Variants in CKAP5 observed in about 807,000 individuals in gnomAD.
CKAP5 encodes cytoskeleton-associated protein 5.
CKAP5 carries 27 observed loss-of-function variants against 232.8 expected under a neutral mutation model. The ratio of observed to expected loss-of-function variants is 0.12; its 90% CI spans 0.09 to 0.16. CKAP5 has a LOEUF of 0.16. Among genes scored for constraint, CKAP5 ranks in the 10% least tolerant of loss-of-function variants. The pLI is 1.00. For missense variants in CKAP5, 1,838 were observed against 2,424.7 expected, an observed-to-expected ratio of 0.76 and a Z score of 5.08; for synonymous variants, 785 against 841.1, an observed-to-expected ratio of 0.93 and a Z score of 1.16.
intron 36 of CKAP5, among the ~76,000 whole-genome samples, chr11:46,753,759 G>A (rs1187615624): frequency 6.7e-6 from 1 of 150,360 alleles, no homozygotes; most frequent in East Asian, 2.0e-4. Context: ...GCTAATTTTT[G>A]TATTTTTTTT....
At chr11:46,814,861 A>C (rs1363762413) in intron 4 of CKAP5, among the ~76,000 whole-genome samples, 2 of 152,222 alleles carry the variant, frequency 1.3e-5, no homozygotes, top group Non-Finnish European at 2.9e-5. Flanking sequence ...AAAGGCACCT[A>C]AATAAAGGTT....
chr11:46,773,639 T>C (rs866466467), intron 24 of CKAP5, among the ~76,000 whole-genome samples: 77 of 151,822 alleles, frequency 5.1e-4, no homozygotes, highest in African/African-American at 1.8e-3. Flanking sequence ...GCCTCCTGGA[T>C]TCAAGCGATT....
intron 1 of CKAP5, among the ~76,000 whole-genome samples, chr11:46,829,863 T>C (rs1399018623): frequency 2.0e-5 from 3 of 151,896 alleles, no homozygotes; most frequent in Non-Finnish European, 4.4e-5. Flanking sequence ...TGTGTGTGTG[T>C]GTGTGTGTGT....
intron 1 of CKAP5, among the ~76,000 whole-genome samples, chr11:46,834,026 C>T (rs1192681896): frequency 2.6e-5 from 4 of 152,112 alleles, no homozygotes; most frequent in East Asian, 1.9e-4. Flanking sequence ...TGTGCCACCA[C>T]GTCCAGCTAA....
At chr11:46,830,966 G>C (rs1205546209) in intron 1 of CKAP5, among the ~76,000 whole-genome samples, 3 of 152,180 alleles carry the variant, frequency 2.0e-5, no homozygotes, top group Admixed American at 6.5e-5. Context: ...TCGGGAGGCT[G>C]AGGCAGGAGA....
intron 1 of CKAP5, 113 bp downstream of exon 1, chr11:46,846,107 A>G (rs1190371244): frequency 6.6e-6 from 1 of 151,850 alleles, no homozygotes; most frequent in East Asian, 1.9e-4. Flanking sequence ...TCGTGGGGCA[A>G]GTGGGGCGCG....
At chr11:46,844,786 C>G (rs1198025300) in intron 1 of CKAP5, among the ~76,000 whole-genome samples, 1 of 151,996 alleles carries the variant, frequency 6.6e-6, no homozygotes, top group Non-Finnish European at 1.5e-5. Context: ...GGATTACAGG[C>G]GCCCGCCATC....
intron 1 of CKAP5, among the ~76,000 whole-genome samples, chr11:46,828,703 G>C (rs894097617): frequency 2.0e-5 from 3 of 152,170 alleles, no homozygotes; most frequent in African/African-American, 7.2e-5. Context: ...CTGTGCTTAT[G>C]AGCGAATTAA....
chr11:46,778,578 C>T lies in CKAP5; in HGVS notation c.2455G>A (p.Ala819Thr). The part of the protein sequence containing the change: ...FEKMQGQSPP[A>T]PTRGISKHST... Reference sequence around the variant, plus strand: ...TGCTTGGAAATTCCTCTGGTTGGAGCAGGTGGACTTTGTCCCTGCATCTAT... The same window carrying T: ...TGCTTGGAAATTCCTCTGGTTGGAGTAGGTGGACTTTGTCCCTGCATCTAT... The change falls in exon 21 of 44, where the codon GCT becomes ACT. Residue 819 changes from alanine (A) to threonine (T), a missense_variant. By Grantham distance (58) the Ala-to-Thr change is moderately conservative. This residue lies in a region of CKAP5 where 767 missense variants were observed against 954.6 expected (regional missense o/e 0.80). Coordinates refer to ENST00000529230, the MANE Select transcript of CKAP5 (RefSeq NM_001008938.4). 6.2e-7 allele frequency: 1 copy of T among 1,613,966 alleles called. No individual in the cohort carries two copies. The highest frequency in any genetic ancestry group is 8.5e-7 in the Non-Finnish European group (1 of 1,179,932).
intron 24 of CKAP5, 91 bp from the exon 25 acceptor site, chr11:46,771,073 C>T (rs1341020219): frequency 9.1e-7 from 1 of 1,096,746 alleles, no homozygotes; most frequent in Non-Finnish European, 1.3e-6. Context: ...TAGTCTCAAG[C>T]ACTGAATTAG....
In CKAP5 at chr11:46,755,213, A is replaced by G. The variant is rs997701890; in HGVS notation, c.4690-146T>C. ...TAAAAAAAAGCCCATTTACTTATTTATTTTATTCATTTATTATTTTGAGAG... is the reference window on the plus strand; with the variant it reads ...TAAAAAAAAGCCCATTTACTTATTTGTTTTATTCATTTATTATTTTGAGAG... On this transcript the variant is annotated intron_variant, in intron 35 of 43. Coordinates refer to ENST00000529230, the MANE Select transcript of CKAP5 (RefSeq NM_001008938.4). 3.9e-5 allele frequency: 24 copies of G among 616,290 alleles called. No homozygotes were observed. The East Asian group carries it at 6.2e-4, about 16-fold the overall frequency. 38.2% of individuals were successfully genotyped at this position (616,290 alleles called of 1,614,324 possible).
intron 35 of CKAP5, among the ~76,000 whole-genome samples, chr11:46,756,281 C>T (rs572542285): frequency 1.3e-5 from 2 of 152,222 alleles, no homozygotes; most frequent in African/African-American, 2.4e-5. Context: ...ATTTTGGCCA[C>T]AACTTCCTAA....
At chr11:46,842,924 G>A (rs987234826) in intron 1 of CKAP5, among the ~76,000 whole-genome samples, 3 of 132,330 alleles carry the variant, frequency 2.3e-5, no homozygotes, top group South Asian at 2.3e-4. Context: ...CCGAGATCGC[G>A]CCACCGCACT....
intron 1 of CKAP5, among the ~76,000 whole-genome samples, chr11:46,845,820 G>C (rs1392848548): frequency 1.3e-5 from 2 of 152,188 alleles, no homozygotes; most frequent in African/African-American, 2.4e-5. Context: ...CCTCGTAGGC[G>C]CTTACTTATT....
intron 1 of CKAP5, among the ~76,000 whole-genome samples, chr11:46,833,028 T>C (rs1939828883): frequency 6.6e-6 from 1 of 151,968 alleles, no homozygotes; most frequent in Non-Finnish European, 1.5e-5. Flanking sequence ...GCTTGTCAGA[T>C]AGTGTGAGGC....
At chr11:46,794,848 A>T (rs1232279906) in intron 13 of CKAP5, among the ~76,000 whole-genome samples, 1 of 152,122 alleles carries the variant, frequency 6.6e-6, no homozygotes, top group Non-Finnish European at 1.5e-5. Flanking sequence ...AAAAATATAG[A>T]AAATAAAAAC....
At position 46,784,341 on chromosome 11, in the gene CKAP5, C is replaced by T. The variant is rs553571351; in HGVS notation, c.2154+147G>A. ...TTGCACCATTGCATTCCAGCCTGGG[C>T]GACAGAGTGAAACTCCATCTCAAAA... On this transcript the variant is annotated intron_variant, in intron 17 of 43. Transcript: ENST00000529230. The T allele has an allele frequency of 7.3e-4, 477 of 656,782 alleles. 1 individual carries two copies. Among genetic ancestry groups the T allele is most frequent in the Middle Eastern group, 1.3e-3 (4 of 3,058 alleles). 40.7% of individuals were successfully genotyped at this position (656,782 alleles called of 1,614,324 possible).
chr11:46,816,250 T>G lies in CKAP5; in HGVS notation c.406A>C (p.Lys136Gln). The change falls in exon 4 of 44, where the codon AAG (lysine) becomes CAG (glutamine). Residue 136 changes from lysine (K) to glutamine (Q), a missense_variant. Around this residue, in one of 6 missense-constraint regions of CKAP5, gnomAD observed 285 missense variants for 300.0 expected, o/e 0.95. Coordinates refer to ENST00000529230, the MANE Select transcript of CKAP5 (RefSeq NM_001008938.4). ...QEELLKGLDN[K>Q]NPKIIVACIE... Reference sequence around the variant, plus strand: ...CAGGCCACTATGATCTTGGGATTCTTATTGTCCAAGCCTTTCAGGAGCTCT... The same window carrying G: ...CAGGCCACTATGATCTTGGGATTCTGATTGTCCAAGCCTTTCAGGAGCTCT... 9 of 1,614,168 alleles carry G rather than the reference T, an allele frequency of 5.6e-6. No homozygotes were observed. Among genetic ancestry groups the G allele is most frequent in the Non-Finnish European group, 6.8e-6 (8 of 1,180,030 alleles).
intron 5 of CKAP5, 106 bp downstream of exon 5, chr11:46,810,901 A>T: frequency 9.4e-7 from 1 of 1,064,100 alleles, no homozygotes; most frequent in East Asian, 2.7e-5. Flanking sequence ...TTCAAAATTA[A>T]GAATGTAAAA....
Sources: gnomAD v4.1 joint callset for allele counts (sites outside exome capture counted in the v4.1 genomes callset) on GRCh38, gnomAD v4.1.1 for gene constraint, gnomAD v4.1.1 regional missense constraint, MANE v1.5 for transcripts, NCBI Gene and HGNC (gene_info 2026-07-23, HGNC 2026-07-21) for gene names.